Variants in GOLM1 observed in about 807,000 individuals in gnomAD.
GOLM1 encodes golgi membrane protein 1, also known as epididymis luminal protein 46.
A neutral mutation model predicts 50.5 loss-of-function variants in GOLM1; 31 were observed. The ratio of observed to expected loss-of-function variants is 0.61; its 90% CI spans 0.46 to 0.83. The LOEUF is 0.83. Ranked by LOEUF, GOLM1 falls within the 40% of genes least tolerant of loss-of-function variation. The pLI is 0.00. For missense variants in GOLM1, 491 were observed against 501.3 expected (o/e 0.98, Z 0.20); for synonymous variants, 178 against 192.8 (o/e 0.92, Z 0.64).
intron 1 of GOLM1, among the ~76,000 whole-genome samples, chr9:86,094,622 T>C (rs1835297265): frequency 6.6e-6 from 1 of 152,178 alleles, no homozygotes; most frequent in African/African-American, 2.4e-5. Context: ...GAAGAAAGGT[T>C]GAACCACCGT....
chr9:86,080,519 A>G lies in GOLM1; in HGVS notation c.-21-1178T>C, dbSNP rs142835895. ...ACAAGGGACGGGTAAGGAAGAGGAT[A>G]CCACCAAGGATTCACCTGCAAAACC... is the stretch of plus-strand genomic sequence containing the variant. On this transcript the variant is annotated intron_variant, in intron 1 of 9. Coordinates refer to ENST00000388712, the MANE Select transcript of GOLM1 (RefSeq NM_016548.4). Among the ~76,000 whole-genome samples the G allele has an allele frequency of 4.7e-3, 721 of 152,288 alleles. 8 individuals are homozygous for G. Among genetic ancestry groups the G allele is most frequent in the African/African-American group, 0.016 (661 of 41,560 alleles).
chr9:86,073,463 T>C (rs1587728763), intron 3 of GOLM1, among the ~76,000 whole-genome samples: 1 of 152,302 alleles, frequency 6.6e-6, no homozygotes, highest in East Asian at 1.9e-4. Context: ...AAACAAAAGC[T>C]GATTTGATAA....
At chr9:86,067,379 C>A (rs1834336301) in intron 3 of GOLM1, among the ~76,000 whole-genome samples, 2 of 152,124 alleles carry the variant, frequency 1.3e-5, no homozygotes, top group Non-Finnish European at 1.5e-5. Flanking sequence ...CTAGTTAGGC[C>A]CCTTAAAAAC....
chr9:86,095,410 C>CTTTTTT (rs529708521), intron 1 of GOLM1, among the ~76,000 whole-genome samples: 1 of 130,796 alleles, frequency 7.6e-6, no homozygotes, highest in Admixed American at 7.3e-5. Context: ...TGTATTTTCC[C>CTTTTTT]TTTTTTTTTT....
Position 86,035,508 on chromosome 9 carries a change from C to T in GOLM1, c.875G>A (p.Gly292Glu). ...TGGGGTCTGGCCCAGTTCTCCGGCT[C>T]CCCCGAAGCCTCTTCCACCTACAGG... ...DRPVGGRGFG[G>E]AGELGQTPQV... is the part of the protein sequence containing the mutation. Residue 292 changes from glycine to glutamate, a missense_variant, in exon 8 of 10, where the codon GGA (glycine) becomes GAA (glutamate). Transcript: ENST00000388712. 6.2e-7 allele frequency: 1 copy of T among 1,612,762 alleles called. No homozygotes were observed. Among genetic ancestry groups the T allele is most frequent in the Non-Finnish European group, 8.5e-7 (1 of 1,179,960 alleles).
rs555956805 is a variant in GOLM1 at position 86,026,183 on chromosome 9, T to C, written c.*1634A>G. ...AACATTTTATTTCTCAGCAATTCTA[T>C]GCGTACAAATTAAACATGAGATGAA... On this transcript the variant is annotated 3_prime_UTR_variant, in exon 10 of 10. Coordinates refer to ENST00000388712, the MANE Select transcript of GOLM1 (RefSeq NM_016548.4). 15 of 982,582 alleles carry C rather than the reference T, an allele frequency of 1.5e-5. No homozygotes were observed. In the African/African-American group the frequency reaches 2.6e-4, roughly 17 times the overall value. 60.9% of individuals were successfully genotyped at this position (982,582 alleles called of 1,614,324 possible).
intron 1 of GOLM1, among the ~76,000 whole-genome samples, chr9:86,083,520 G>C (rs1021042672): frequency 6.6e-6 from 1 of 152,284 alleles, no homozygotes; most frequent in South Asian, 2.1e-4. Context: ...GAGTAGCTGG[G>C]ATTAGAGGTG....
At chr9:86,053,667 A>AAAC in intron 3 of GOLM1, among the ~76,000 whole-genome samples, 2 of 64,708 alleles carry the variant, frequency 3.1e-5, no homozygotes, top group African/African-American at 7.2e-5. Context: ...ACCACTCCAC[A>AAAC]CACGGCACAC....
At chr9:86,087,499 G>C (rs1587740521) in intron 1 of GOLM1, among the ~76,000 whole-genome samples, 2 of 152,306 alleles carry the variant, frequency 1.3e-5, no homozygotes, top group African/African-American at 2.4e-5. Flanking sequence ...TGATGAGAGA[G>C]GACATCCTTG....
intron 8 of GOLM1, among the ~76,000 whole-genome samples, chr9:86,034,741 C>T (rs538431385): frequency 5.3e-5 from 8 of 152,308 alleles, no homozygotes; most frequent in African/African-American, 1.9e-4. Context: ...TGGTCCACCC[C>T]AGAGCGCAGG....
At position 86,040,818 on chromosome 9, in the gene GOLM1, C is replaced by T. The variant is rs372897298; in HGVS notation, c.518G>A (p.Arg173Gln). 44 of 1,613,520 alleles carry T rather than the reference C, an allele frequency of 2.7e-5. No homozygotes were observed. Among genetic ancestry groups the T allele is most frequent in the East Asian group, 6.7e-5 (3 of 44,878 alleles). Residue 173 changes from arginine (R) to glutamine (Q), a missense_variant, in exon 6 of 10, where the codon CGA (arginine) becomes CAA (glutamine). Transcript: ENST00000388712. ...MKEVKEQCEE[R>Q]IEEVTKKGNE... ...CCCCTTTTTGGTGACCTCTTCTATT[C>T]GCTCCTCACACTGTTCCTTCACCTC...
Position 86,036,389 on chromosome 9 carries a change from C to T in GOLM1, c.716G>A (p.Ser239Asn), listed in dbSNP as rs775580962. 8 of 1,614,216 alleles carry T rather than the reference C, an allele frequency of 5.0e-6. No individual in the cohort carries two copies. The highest frequency in any genetic ancestry group is 1.1e-5 in the South Asian group (1 of 91,088). ...GNSKSQTPAP[S>N]SEVVLDSKRQ... ...CTTTGAATCCAAAACCACTTCGGAA[C>T]TGGGGGCTGGTGTCTGGGACTTGCT... Residue 239 changes from serine to asparagine, a missense_variant, in exon 7 of 10, where the codon AGT becomes AAT. Physicochemically the swap from Ser to Asn is conservative, Grantham distance 46. Transcript: ENST00000388712.
chr9:86,091,796 T>C (rs1225909182), intron 1 of GOLM1, among the ~76,000 whole-genome samples: 3 of 152,210 alleles, frequency 2.0e-5, no homozygotes, highest in Admixed American at 6.5e-5. Context: ...TATTATAAAT[T>C]TGAAAGCAGA....
At chr9:86,049,754 AG>A (rs566542883) in intron 4 of GOLM1, among the ~76,000 whole-genome samples, 103 of 152,344 alleles carry the variant, frequency 6.8e-4, no homozygotes, top group Non-Finnish European at 1.0e-3. Flanking sequence ...TATCAGCTTA[AG>A]GAGATTTTGA....
intron 9 of GOLM1, 84 bp downstream of exon 9, chr9:86,033,198 G>A: frequency 1.3e-6 from 1 of 758,688 alleles, no homozygotes; most frequent in Non-Finnish European, 2.3e-6. Context: ...ATATAATTTT[G>A]GGGATTCATT....
At chr9:86,070,391 G>A (rs1462237470) in intron 3 of GOLM1, among the ~76,000 whole-genome samples, 4 of 151,604 alleles carry the variant, frequency 2.6e-5, no homozygotes, top group Non-Finnish European at 5.9e-5. Context: ...GGCCAGGATG[G>A]TGAAACCCTG....
intron 3 of GOLM1, among the ~76,000 whole-genome samples, chr9:86,059,895 A>T (rs1227718550): frequency 8.9e-6 from 1 of 112,948 alleles, no homozygotes; most frequent in East Asian, 3.0e-4. Flanking sequence ...GTGTGAGTCT[A>T]TCTCAAAAAA....
intron 5 of GOLM1, 33 bp downstream of exon 5, chr9:86,046,436 CT>C: frequency 1.6e-6 from 2 of 1,285,326 alleles, no homozygotes; most frequent in Non-Finnish European, 1.1e-6. Flanking sequence ...GCCGTGCACC[CT>C]GCACTGTGGC....
chr9:86,091,278 T>C (rs368254177), intron 1 of GOLM1, among the ~76,000 whole-genome samples: 14 of 152,222 alleles, frequency 9.2e-5, no homozygotes, highest in East Asian at 3.8e-4. Flanking sequence ...TCGATTGTTG[T>C]TATATTTAGA....
Sources: gnomAD v4.1 joint callset for allele counts (sites outside exome capture counted in the v4.1 genomes callset) on GRCh38, gnomAD v4.1.1 for gene constraint, MANE v1.5 for transcripts, NCBI Gene and HGNC (gene_info 2026-07-23, HGNC 2026-07-21) for gene names.